The following ZC3H12B variants were observed in gnomAD, a reference collection of about 807,000 sequenced individuals.
ZC3H12B encodes zinc finger CCCH-type containing 12B, also known as probable ribonuclease ZC3H12B.
Under a neutral mutation model 43.9 loss-of-function variants are expected in ZC3H12B, and 7 were observed. That is an observed-to-expected ratio of 0.16 (90% CI 0.09 to 0.30). The LOEUF is 0.30. Among genes scored for constraint, ZC3H12B ranks in the 10% least tolerant of loss-of-function variants. The pLI is 1.00. For synonymous variants in ZC3H12B, 222 were observed against 241.7 expected (o/e 0.92, Z 0.76); for missense variants, 475 against 670.2 (o/e 0.71, Z 3.22).
At chrX:65,286,388 C>T in the ZC3H12B span, among the ~76,000 whole-genome samples, 2 of 111,336 alleles carry the variant, frequency 1.8e-5, no homozygotes, top group African/African-American at 6.5e-5. Flanking sequence ...ATGGGAACAA[C>T]AGACACTGGA....
At chrX:65,371,766 T>C (rs1219773128) in intron 2 of ZC3H12B, among the ~76,000 whole-genome samples, 1 of 111,750 alleles carries the variant, frequency 8.9e-6, no homozygotes, top group Non-Finnish European at 1.9e-5. Flanking sequence ...TTAAATATAA[T>C]ATTTGGAGCT....
chrX:65,275,133 G>C, the ZC3H12B span, among the ~76,000 whole-genome samples: 1 of 112,768 alleles, frequency 8.9e-6, no homozygotes, highest in African/African-American at 3.2e-5. Flanking sequence ...CTATAGAAAT[G>C]CCCCACTGGC....
chrX:65,202,148 AAATATATATTATATAT>A, the ZC3H12B span, among the ~76,000 whole-genome samples: 5 of 68,453 alleles, frequency 7.3e-5, no homozygotes, highest in South Asian at 1.8e-3. Flanking sequence ...ATATAATATG[AAATATATATTATATAT>A]AATATATATT....
intron 2 of ZC3H12B, among the ~76,000 whole-genome samples, chrX:65,392,896 A>T (rs1391131499): frequency 4.4e-5 from 5 of 112,836 alleles, no homozygotes. Context: ...TTTGCTCTGT[A>T]CTAAGAAAAA....
At chrX:65,500,904 T>C (rs1254821672) in intron 4 of ZC3H12B, among the ~76,000 whole-genome samples, 3 of 111,343 alleles carry the variant, frequency 2.7e-5, no homozygotes, top group Non-Finnish European at 5.7e-5. Flanking sequence ...TTTTGTGGGG[T>C]GTTTTGGTTT....
chrX:65,348,479 A>T, the ZC3H12B span, among the ~76,000 whole-genome samples: 2 of 104,064 alleles, frequency 1.9e-5, no homozygotes, highest in African/African-American at 3.5e-5. Context: ...ACCAGCTAGC[A>T]TCATAATGAC....
the ZC3H12B span, among the ~76,000 whole-genome samples, chrX:65,192,970 C>T: frequency 1.8e-5 from 2 of 110,936 alleles, no homozygotes; most frequent in Non-Finnish European, 3.8e-5. Context: ...GACAAGGTTT[C>T]ACCATGTTGG....
the ZC3H12B span, among the ~76,000 whole-genome samples, chrX:65,152,581 AAG>A: frequency 9.0e-6 from 1 of 111,322 alleles, no homozygotes; most frequent in South Asian, 3.8e-4. Context: ...AATGAAATAA[AAG>A]AGGATACAAA....
the ZC3H12B span, among the ~76,000 whole-genome samples, chrX:65,113,845 A>G: frequency 9.4e-6 from 1 of 106,834 alleles, no homozygotes. Flanking sequence ...ATGCTATTGC[A>G]CACTTAAGAG....
chrX:65,293,848 T>G, the ZC3H12B span, among the ~76,000 whole-genome samples: 16 of 111,674 alleles, frequency 1.4e-4, no homozygotes, highest in Admixed American at 4.7e-4. Context: ...CCAAGAAGTT[T>G]GAAATTATGT....
In ZC3H12B at chrX:65,418,219, T is replaced by C. The variant is rs113160093; in HGVS notation, n.407+19515T>C. 8.0e-3 allele frequency among the ~76,000 whole-genome samples: 895 copies of C among 111,585 alleles called. 12 individuals carry two copies. The highest frequency in any genetic ancestry group is 0.028 in the African/African-American group (850 of 30,754). ...CTTAATTGTTTTACAATTAATTAAT[T>C]AATTGAGATAAGATTACTATTTTAT... On this transcript the variant is annotated intron_variant and non_coding_transcript_variant, in intron 3 of 5. Coordinates refer to the ZC3H12B transcript ENST00000617377.
chrX:65,129,805 C>G, the ZC3H12B span, among the ~76,000 whole-genome samples: 5 of 110,450 alleles, frequency 4.5e-5, no homozygotes, highest in African/African-American at 1.7e-4. Context: ...CTCAGGGCTA[C>G]TTTGAGTGGG....
chrX:65,113,652 T>C, the ZC3H12B span, among the ~76,000 whole-genome samples: 1 of 110,292 alleles, frequency 9.1e-6, no homozygotes. Flanking sequence ...TTCATTGTTG[T>C]CTTATTTTAA....
chrX:65,381,406 GA>G (rs1210852802), intron 2 of ZC3H12B, among the ~76,000 whole-genome samples: 1 of 111,295 alleles, frequency 9.0e-6, no homozygotes, highest in African/African-American at 3.3e-5. Flanking sequence ...TGAAACCAAC[GA>G]GAACAAAGAC....
chrX:65,388,347 T>A (rs1215215470), intron 2 of ZC3H12B, among the ~76,000 whole-genome samples: 1 of 111,927 alleles, frequency 8.9e-6, no homozygotes, highest in Non-Finnish European at 1.9e-5. Context: ...TTTTTGTTTA[T>A]CCTTTTTTCT....
At chrX:65,192,706 C>T in the ZC3H12B span, among the ~76,000 whole-genome samples, 3 of 110,925 alleles carry the variant, frequency 2.7e-5, no homozygotes, top group South Asian at 3.8e-4. Flanking sequence ...CCCACTTGGT[C>T]ATGATGAATG....
the ZC3H12B span, among the ~76,000 whole-genome samples, chrX:65,126,975 C>A: frequency 1.8e-5 from 2 of 110,250 alleles, no homozygotes; most frequent in African/African-American, 6.6e-5. Context: ...GCTTAATATT[C>A]GACCTGCTGA....
the ZC3H12B span, among the ~76,000 whole-genome samples, chrX:65,258,130 A>G: frequency 9.0e-6 from 1 of 111,288 alleles, no homozygotes; most frequent in Non-Finnish European, 1.9e-5. Flanking sequence ...TAGATGCAAA[A>G]TCCTCAACAA....
At chrX:65,415,544 A>C (rs1383205624) in intron 3 of ZC3H12B, among the ~76,000 whole-genome samples, 1 of 112,099 alleles carries the variant, frequency 8.9e-6, no homozygotes, top group East Asian at 2.8e-4. Flanking sequence ...CAGTCTTAAA[A>C]TATCTGTTTT....
Sources: allele counts gnomAD v4.1 joint callset (sites outside exome capture counted in the v4.1 genomes callset), GRCh38; gene constraint gnomAD v4.1.1; transcripts MANE v1.5; gene names NCBI Gene and HGNC (gene_info 2026-07-23, HGNC 2026-07-21).